The following PPIP5K1 variants were observed in gnomAD, a reference collection of about 807,000 sequenced individuals.
The protein encoded by PPIP5K1 is inositol hexakisphosphate and diphosphoinositol-pentakisphosphate kinase 1.
In PPIP5K1, 6 loss-of-function variants were observed where a neutral mutation model predicts 27.7. The observed-to-expected ratio is 0.22, with a 90% CI of 0.12 to 0.43. The LOEUF is 0.43. Among genes scored for constraint, PPIP5K1 ranks in the 20% least tolerant of loss-of-function variants. The pLI is 1.00. For synonymous variants in PPIP5K1, 145 were observed against 242.6 expected (o/e 0.60, Z 3.74); for missense variants, 394 against 635.4 (o/e 0.62, Z 4.08).
chr15:43,540,861 C>CAAA (rs34085400), intron 30 of PPIP5K1, among the ~76,000 whole-genome samples: 8 of 73,854 alleles, frequency 1.1e-4, no homozygotes, highest in African/African-American at 1.9e-4. Context: ...GACTCTGTCT[C>CAAA]AAAAAAAAAA....
intron 30 of PPIP5K1, among the ~76,000 whole-genome samples, chr15:43,549,111 T>C (rs1478636324): frequency 7.1e-6 from 1 of 140,404 alleles, no homozygotes; most frequent in Non-Finnish European, 1.5e-5. Flanking sequence ...GACAGGGCCT[T>C]ATGTTGCCTA....
intron 30 of PPIP5K1, among the ~76,000 whole-genome samples, chr15:43,556,252 A>G (rs762082489): frequency 6.6e-6 from 1 of 152,164 alleles, no homozygotes; most frequent in Non-Finnish European, 1.5e-5. Context: ...CCTGGAAGGC[A>G]GAGGTTGCGG....
At chr15:43,538,748 G>A (rs982878051) in intron 31 of PPIP5K1, among the ~76,000 whole-genome samples, 4 of 151,526 alleles carry the variant, frequency 2.6e-5, no homozygotes, top group African/African-American at 9.7e-5. Flanking sequence ...TCCTGACCTC[G>A]TGATCTGCCC....
intron 30 of PPIP5K1, among the ~76,000 whole-genome samples, chr15:43,550,837 GT>G (rs1207390451): frequency 5.9e-5 from 9 of 152,116 alleles, no homozygotes. Context: ...TTTGTCAAAT[GT>G]TTTTCTGTGT....
rs148484985 is a variant in PPIP5K1, at chr15:43,535,314, C to T, written c.3833G>A (p.Gly1278Glu). The stretch of plus-strand genomic sequence containing the variant: ...CCCTTCTATGGAGAGCTCTTGTGCT[C>T]CACTCCCAGGGGTCTCCTGGAGCAG... Reference protein sequence around the residue: ...LGLLQETPGSGAQELSIEGEQ... With the variant: ...LGLLQETPGSEAQELSIEGEQ... The change falls in exon 32 of 32, where the codon GGA (glycine) becomes GAA (glutamate). Residue 1278 changes from glycine to glutamate, a missense_variant. Physicochemically the swap from Gly to Glu is moderately conservative, Grantham distance 98. Around this residue, in one of 4 missense-constraint regions of PPIP5K1, gnomAD observed 379 missense variants for 423.9 expected, o/e 0.89. Transcript: ENST00000420765. 2 of 1,614,188 alleles carry T rather than the reference C, an allele frequency of 1.2e-6. No homozygotes were observed. Among genetic ancestry groups the T allele is most frequent in the Non-Finnish European group, 1.7e-6 (2 of 1,180,040 alleles).
chr15:43,534,629 C>G lies in PPIP5K1; in HGVS notation c.*45G>C, dbSNP rs752676173. ...ATGGATGCTGGGCTTGAGGAATACC[C>G]TCTCCAGGCAGCTGATCAATCACTT... On this transcript the variant is annotated 3_prime_UTR_variant, in exon 32 of 32. Transcript: ENST00000420765. 6.7e-7 allele frequency: 1 copy of G among 1,482,374 alleles called. No homozygotes were observed. The highest frequency in any genetic ancestry group is 9.0e-7 in the Non-Finnish European group (1 of 1,109,202). The allele number at this position is 1,482,374 out of a possible 1,614,324, so 91.8% of individuals were successfully genotyped here.
At chr15:43,536,496 C>T (rs1029839416) in intron 31 of PPIP5K1, among the ~76,000 whole-genome samples, 1 of 151,998 alleles carries the variant, frequency 6.6e-6, no homozygotes, top group African/African-American at 2.4e-5. Flanking sequence ...AGTTCTTAAC[C>T]TTTCTAGGGG....
At chr15:43,538,805 C>A (rs1412427240) in intron 31 of PPIP5K1, among the ~76,000 whole-genome samples, 2 of 149,876 alleles carry the variant, frequency 1.3e-5, no homozygotes, top group African/African-American at 4.9e-5. Flanking sequence ...AGCCATCATG[C>A]CCGGCCTCCT....
chr15:43,540,977 C>G (rs1358069367), intron 30 of PPIP5K1, among the ~76,000 whole-genome samples: 5 of 151,990 alleles, frequency 3.3e-5, no homozygotes, highest in African/African-American at 1.2e-4. Flanking sequence ...TAGTATCATT[C>G]AATACCCAGT....
chr15:43,552,081 G>T (rs1392851085), intron 30 of PPIP5K1, among the ~76,000 whole-genome samples: 1 of 150,916 alleles, frequency 6.6e-6, no homozygotes, highest in Non-Finnish European at 1.5e-5. Context: ...AGACTCCCAA[G>T]CACCTGGGAT....
chr15:43,553,948 T>A (rs2082589174), intron 30 of PPIP5K1, among the ~76,000 whole-genome samples: 3 of 152,126 alleles, frequency 2.0e-5, no homozygotes, highest in Non-Finnish European at 4.4e-5. Context: ...CCTGGCCACT[T>A]CCTTACTAAT....
At chr15:43,557,383 G>A (rs979928169) in intron 30 of PPIP5K1, among the ~76,000 whole-genome samples, 2 of 152,138 alleles carry the variant, frequency 1.3e-5, no homozygotes, top group Non-Finnish European at 2.9e-5. Context: ...AGGAGATGGA[G>A]GTTGTAGTCA....
intron 30 of PPIP5K1, among the ~76,000 whole-genome samples, chr15:43,541,788 C>T (rs1249589192): frequency 6.6e-6 from 1 of 151,848 alleles, no homozygotes; most frequent in African/African-American, 2.4e-5. Flanking sequence ...TGCAGAAGGT[C>T]ATGTCCCACA....
rs61753578 is a variant in PPIP5K1 at position 43,536,146 on chromosome 15, C to T, written c.3671-670G>A. On this transcript the variant is annotated intron_variant, in intron 31 of 31. Coordinates refer to ENST00000420765, the MANE Select transcript of PPIP5K1 (RefSeq NM_001394395.1). Reference sequence around the variant, plus strand: ...AGAAAATGGTTTACCTGGCTGGGTGCGGTGGCTCACGCCTGTAATCCCAGC... The same window carrying T: ...AGAAAATGGTTTACCTGGCTGGGTGTGGTGGCTCACGCCTGTAATCCCAGC... The T allele has an allele frequency of 1.0e-3, 1,318 of 1,273,240 alleles. 14 individuals carry two copies. In the African/African-American group the frequency reaches 0.019, roughly 18 times the overall value. 78.9% of individuals were successfully genotyped at this position (1,273,240 alleles called of 1,614,324 possible). A position where few individuals can be genotyped will look rare whatever the true frequency, so the allele number is the denominator to read the frequency against.
chr15:43,578,592 A>G (rs1429420486), intron 11 of PPIP5K1, among the ~76,000 whole-genome samples: 17 of 105,330 alleles, frequency 1.6e-4, no homozygotes, highest in African/African-American at 4.6e-4. Context: ...GAGATTAGGA[A>G]TATAAATGGA....
In PPIP5K1 at chr15:43,558,825, G is replaced by A. The variant is rs745394524; in HGVS notation, c.3526C>T (p.His1176Tyr). The change falls in exon 30 of 32, where the codon CAC becomes TAC. Residue 1176 changes from histidine to tyrosine, a missense_variant. Coordinates refer to ENST00000420765, the MANE Select transcript of PPIP5K1 (RefSeq NM_001394395.1). ...GATGCCTGTGCCTGGGCATCAGTGTGGCGCTGGCAGACTCTACTCAAGAAT... is the reference window on the plus strand; with the variant it reads ...GATGCCTGTGCCTGGGCATCAGTGTAGCGCTGGCAGACTCTACTCAAGAAT... ...SEFLSRVCQR[H>Y]TDAQAQASAA... is the part of the protein sequence containing the mutation. 1.2e-6 allele frequency: 2 copies of A among 1,614,116 alleles called. No homozygotes were observed. The highest frequency in any genetic ancestry group is 1.7e-6 in the Non-Finnish European group (2 of 1,180,030).
At chr15:43,549,731 G>A (rs2081957336) in intron 30 of PPIP5K1, among the ~76,000 whole-genome samples, 1 of 152,162 alleles carries the variant, frequency 6.6e-6, no homozygotes, top group South Asian at 2.1e-4. Flanking sequence ...AGCACTTTGG[G>A]AGGCTGAGGT....
rs370198522 is a variant in PPIP5K1 at position 43,558,840 on chromosome 15, T to C, written c.3511A>G (p.Arg1171Gly). The change falls in exon 30 of 32, where the codon AGA becomes GGA. Residue 1171 changes from arginine (R) to glycine (G), a missense_variant. Physicochemically the swap from Arg to Gly is moderately radical, Grantham distance 125. Around this residue, in one of 4 missense-constraint regions of PPIP5K1, gnomAD observed 379 missense variants for 423.9 expected, o/e 0.89. Transcript: ENST00000420765. ...SLRQVSEFLSRVCQRHTDAQA... is the reference protein window; with the variant it reads ...SLRQVSEFLSGVCQRHTDAQA... ...GCATCAGTGTGGCGCTGGCAGACTC[T>C]ACTCAAGAATTCACTCACTTGACGT... 1.2e-6 allele frequency: 2 copies of C among 1,614,036 alleles called. No homozygotes were observed. Among genetic ancestry groups the C allele is most frequent in the African/African-American group, 2.7e-5 (2 of 74,922 alleles).
intron 29 of PPIP5K1, among the ~76,000 whole-genome samples, chr15:43,559,928 C>A (rs1370946292): frequency 6.6e-6 from 1 of 151,678 alleles, no homozygotes; most frequent in African/African-American, 2.4e-5. Flanking sequence ...GTGACTAAAG[C>A]CCGTAACTCA....
Sources: allele counts gnomAD v4.1 joint callset (sites outside exome capture counted in the v4.1 genomes callset), GRCh38; gene constraint gnomAD v4.1.1; regional missense constraint gnomAD v4.1.1; transcripts MANE v1.5; gene names NCBI Gene and HGNC (gene_info 2026-07-23, HGNC 2026-07-21).